PARD3: variants seen among roughly 807,000 people sequenced by gnomAD.
The protein encoded by PARD3 is partitioning defective 3 homolog.
A neutral mutation model predicts 155.4 loss-of-function variants in PARD3; 75 were observed. The ratio of observed to expected loss-of-function variants is 0.48; its 90% confidence interval spans 0.40 to 0.58. The LOEUF (loss-of-function observed/expected upper bound fraction) is 0.58. Ranked by LOEUF, PARD3 falls within the 20% of genes least tolerant of loss-of-function variation. The pLI, the probability that PARD3 is intolerant of heterozygous loss-of-function variation, is 0.00. For missense variants in PARD3, 1,642 were observed against 1,721.7 expected (o/e 0.95, Z 0.82); for synonymous variants, 576 against 610.5 (o/e 0.94, Z 0.83).
At chr10:34,205,491 A>G (rs1322936501) in intron 22 of PARD3, among the ~76,000 whole-genome samples, 1 of 152,220 alleles carries the variant, frequency 6.6e-6, no homozygotes, top group Admixed American at 6.5e-5. Context: ...TGTTCACTTT[A>G]TCAGTTTTCA....
chr10:34,372,325 T>C (rs1840764795), intron 12 of PARD3, among the ~76,000 whole-genome samples, 173 bp downstream of exon 12: 1 of 152,110 alleles, frequency 6.6e-6, no homozygotes, highest in Non-Finnish European at 1.5e-5. Context: ...CCATTTGGGG[T>C]GGTAACAGTA....
intron 1 of PARD3, among the ~76,000 whole-genome samples, chr10:34,736,156 C>T (rs528452906): frequency 5.5e-4 from 83 of 151,064 alleles, no homozygotes; most frequent in Non-Finnish European, 1.1e-3. Flanking sequence ...CTCAGCCTCC[C>T]GAGTAGCTGG....
At chr10:34,373,301 G>GA (rs879396712) in intron 11 of PARD3, among the ~76,000 whole-genome samples, 31 of 141,624 alleles carry the variant, frequency 2.2e-4, no homozygotes, top group South Asian at 1.6e-3. Context: ...ACATAACCAA[G>GA]AAAAAAAAAA....
chr10:34,499,119 G>C (rs968821694), intron 3 of PARD3, among the ~76,000 whole-genome samples: 3 of 152,010 alleles, frequency 2.0e-5, no homozygotes, highest in Non-Finnish European at 2.9e-5. Flanking sequence ...TTTAGCTCAA[G>C]ATTTTTTTCT....
intron 22 of PARD3, among the ~76,000 whole-genome samples, chr10:34,188,202 T>A (rs1278151574): frequency 6.6e-6 from 1 of 152,214 alleles, no homozygotes; most frequent in Non-Finnish European, 1.5e-5. Flanking sequence ...TGGAATCGCC[T>A]GAGTTGGAAG....
chr10:34,372,119 C>CT (rs1202826670), intron 12 of PARD3, among the ~76,000 whole-genome samples: 6 of 152,116 alleles, frequency 3.9e-5, no homozygotes, highest in East Asian at 3.9e-4. Flanking sequence ...TTAGCCCTCC[C>CT]TTTTTTTCCA....
Position 34,563,284 on chromosome 10 carries a change from T to C in PARD3, c.223-46125A>G, listed in dbSNP as rs549512126. ...ATTATCTAAAAGCCTGAAAATAAGG[T>C]TGAAGTCACAGGCTGAAAAGAAGTA... On this transcript the variant is annotated intron_variant, in intron 2 of 24. Coordinates refer to ENST00000374788, the MANE Select transcript of PARD3 (RefSeq NM_001184785.2). 1.6e-4 allele frequency among the ~76,000 whole-genome samples: 25 copies of C among 152,236 alleles called. No individual in the cohort carries two copies. In the East Asian group the frequency reaches 4.8e-3, roughly 29 times the overall value.
At chr10:34,627,595 G>T (rs1464890561) in intron 2 of PARD3, among the ~76,000 whole-genome samples, 1 of 152,166 alleles carries the variant, frequency 6.6e-6, no homozygotes, top group Non-Finnish European at 1.5e-5. Context: ...AAGGTGCAGG[G>T]CTGGACTGAT....
At chr10:34,476,226 T>C (rs2078695367) in intron 3 of PARD3, among the ~76,000 whole-genome samples, 1 of 152,252 alleles carries the variant, frequency 6.6e-6, no homozygotes, top group Non-Finnish European at 1.5e-5. Flanking sequence ...TTAAATTGTA[T>C]ATTAAAGTGT....
chr10:34,140,091 C>G (rs75803934), intron 22 of PARD3, among the ~76,000 whole-genome samples: 1 of 152,130 alleles, frequency 6.6e-6, no homozygotes, highest in Non-Finnish European at 1.5e-5. Context: ...AAATGGAACA[C>G]TTGTCATTTG....
intron 2 of PARD3, among the ~76,000 whole-genome samples, chr10:34,672,542 G>A (rs1212250925): frequency 1.3e-5 from 2 of 152,212 alleles, no homozygotes; most frequent in Non-Finnish European, 2.9e-5. Flanking sequence ...GAACGGCCCA[G>A]TGCATTGGCT....
intron 2 of PARD3, among the ~76,000 whole-genome samples, chr10:34,601,892 C>A (rs552505755): frequency 1.3e-5 from 2 of 151,942 alleles, no homozygotes; most frequent in East Asian, 1.9e-4. Flanking sequence ...TCCCCAGAAG[C>A]GGGAAAAAAT....
intron 7 of PARD3, among the ~76,000 whole-genome samples, chr10:34,392,096 C>T (rs1842918306): frequency 1.3e-5 from 2 of 151,634 alleles, no homozygotes; most frequent in East Asian, 3.9e-4. Flanking sequence ...ATCCTGCCAC[C>T]GTACTCCAGC....
chr10:34,245,305 A>G (rs1953873608), intron 22 of PARD3, among the ~76,000 whole-genome samples: 1 of 152,178 alleles, frequency 6.6e-6, no homozygotes, highest in Non-Finnish European at 1.5e-5. Context: ...TGCTTGACGC[A>G]ATATGGGATG....
At chr10:34,784,010 T>C (rs777218898) in intron 1 of PARD3, among the ~76,000 whole-genome samples, 22 of 152,054 alleles carry the variant, frequency 1.4e-4, no homozygotes, top group Non-Finnish European at 3.1e-4. Flanking sequence ...GAGTTTGAGA[T>C]GAGCCTGGGC....
chr10:34,598,618 C>T lies in PARD3; in HGVS notation c.223-81459G>A, dbSNP rs552268410. On this transcript the variant is annotated intron_variant, in intron 2 of 24. Coordinates refer to ENST00000374788, the MANE Select transcript of PARD3 (RefSeq NM_001184785.2). ...CATTTATTAAGCTGAACTATTATTA[C>T]GCATGCTTCATTTTAAACCAGGACT... 4.4e-4 allele frequency among the ~76,000 whole-genome samples: 67 copies of T among 152,268 alleles called. 1 individual carries two copies. Among genetic ancestry groups the T allele is most frequent in the African/African-American group, 1.5e-3 (62 of 41,560 alleles).
At chr10:34,298,806 G>C (rs1957028196) in intron 20 of PARD3, among the ~76,000 whole-genome samples, 1 of 152,134 alleles carries the variant, frequency 6.6e-6, no homozygotes, top group Non-Finnish European at 1.5e-5. Flanking sequence ...AAGGATGGTT[G>C]AATAAAAAGG....
At chr10:34,119,170 C>T (rs148549593) in intron 24 of PARD3, among the ~76,000 whole-genome samples, 1 of 152,276 alleles carries the variant, frequency 6.6e-6, no homozygotes, top group Non-Finnish European at 1.5e-5. Context: ...GACCATGGAT[C>T]CCACACAACC....
chr10:34,120,920 C>G (rs1321385976), intron 23 of PARD3, among the ~76,000 whole-genome samples: 2 of 151,958 alleles, frequency 1.3e-5, no homozygotes, highest in Admixed American at 1.3e-4. Context: ...TAGTCAGGTG[C>G]AGTGGCACAT....
Sources: allele counts gnomAD v4.1 joint callset (sites outside exome capture counted in the v4.1 genomes callset), GRCh38; gene constraint gnomAD v4.1.1; transcripts MANE v1.5; gene names NCBI Gene and HGNC (gene_info 2026-07-23, HGNC 2026-07-21).